The following CMKLR1 variants were observed in gnomAD, a reference collection of about 807,000 sequenced individuals.
CMKLR1 encodes chemerin-like receptor 1.
Under a neutral mutation model 8.2 loss-of-function variants are expected in CMKLR1, and 6 were observed. The ratio of observed to expected loss-of-function variants is 0.73; its 90% confidence interval spans 0.40 to 1.44. The LOEUF (loss-of-function observed/expected upper bound fraction) is 1.44, where lower values mean the gene tolerates loss of function less well. Among genes scored for constraint, CMKLR1 ranks in the 40% most tolerant of loss-of-function variants. The probability of loss-of-function intolerance (pLI) is 0.02; values close to 1 mark genes in which losing one functional copy is unlikely to be tolerated. For synonymous variants in CMKLR1, 178 were observed against 181.2 expected (o/e 0.98, Z 0.14); for missense variants, 429 against 478.0 (o/e 0.90, Z 0.96).
At chr12:108,323,194 A>G (rs1593175893) in intron 2 of CMKLR1, among the ~76,000 whole-genome samples, 1 of 152,196 alleles carries the variant, frequency 6.6e-6, no homozygotes, top group African/African-American at 2.4e-5. Context: ...CAAAACTAAA[A>G]CCATCCTTTA....
Position 108,288,429 on chromosome 12 carries a change from T to C in CMKLR1, c.*3412A>G, listed in dbSNP as rs1890862076. The C allele has an allele frequency of 6.6e-6, 1 of 152,190 alleles. No individual in the cohort carries two copies. Among genetic ancestry groups the C allele is most frequent in the South Asian group, 2.1e-4 (1 of 4,820 alleles). The allele number at this position is 152,190 out of a possible 1,614,324, so 9.4% of individuals were successfully genotyped here. The stretch of plus-strand genomic sequence containing the variant: ...TGAAGGTCCCTTATGGTTTTCACGA[T>C]TGGATTCTATCTTCTCCCACCCATC... On this transcript the variant is annotated 3_prime_UTR_variant, in exon 4 of 4. Transcript: ENST00000550402.
chr12:108,306,577 T>G lies in CMKLR1; in HGVS notation c.-73-12913A>C, dbSNP rs368956486. Among the ~76,000 whole-genome samples, 4 of 152,268 alleles carry G rather than the reference T, an allele frequency of 2.6e-5. No homozygotes were observed. In the East Asian group the frequency reaches 7.7e-4, roughly 29 times the overall value. Reference sequence around the variant, plus strand: ...GTGGCTACCAGGGGCTCCTAACTGGTTAGAAACCTATCTACCTAGTACACA... The same window carrying G: ...GTGGCTACCAGGGGCTCCTAACTGGGTAGAAACCTATCTACCTAGTACACA... On this transcript the variant is annotated intron_variant, in intron 2 of 3. Coordinates refer to ENST00000550402, the MANE Select transcript of CMKLR1 (RefSeq NM_001142343.2).
chr12:108,327,053 G>A lies in CMKLR1; in HGVS notation c.-74+2942C>T, dbSNP rs955134932. Among the ~76,000 whole-genome samples the A allele has an allele frequency of 1.3e-5, 2 of 152,110 alleles. 1 individual carries two copies. ...AGGATCACCCAGCTGGTAATCAAGG[G>A]ACTCAGGATTTGAACTCAGGTCTAA... On this transcript the variant is annotated intron_variant, in intron 2 of 3. Coordinates refer to ENST00000550402, the MANE Select transcript of CMKLR1 (RefSeq NM_001142343.2).
intron 1 of CMKLR1, among the ~76,000 whole-genome samples, chr12:108,332,244 T>C (rs946976048): frequency 1.3e-5 from 2 of 152,126 alleles, no homozygotes; most frequent in Admixed American, 1.3e-4. Flanking sequence ...ACAAAAACAA[T>C]AGGTGGCCGG....
chr12:108,318,576 G>A (rs1209209297), intron 2 of CMKLR1, among the ~76,000 whole-genome samples: 5 of 152,244 alleles, frequency 3.3e-5, no homozygotes, highest in Admixed American at 1.3e-4. Flanking sequence ...AGTATCCACA[G>A]TGTGAGGGAG....
Position 108,291,265 on chromosome 12 carries a change from T to A in CMKLR1, c.*576A>T, listed in dbSNP as rs1890955503. The A allele has an allele frequency of 1.3e-5, 2 of 153,026 alleles. No homozygotes were observed. The highest frequency in any genetic ancestry group is 2.9e-5 in the Non-Finnish European group (2 of 68,698). The allele number at this position is 153,026 out of a possible 1,614,324, so 9.5% of individuals were successfully genotyped here. On this transcript the variant is annotated 3_prime_UTR_variant, in exon 4 of 4. Coordinates refer to ENST00000550402, the MANE Select transcript of CMKLR1 (RefSeq NM_001142343.2). Reference sequence around the variant, plus strand: ...ACCAGTTCTCTGTCTTCCTAGCTGATCCGAAAGCCAAATTCATGGCCTATG... The same window carrying A: ...ACCAGTTCTCTGTCTTCCTAGCTGAACCGAAAGCCAAATTCATGGCCTATG...
At chr12:108,329,075 A>G (rs560350500) in intron 2 of CMKLR1, among the ~76,000 whole-genome samples, 1 of 152,344 alleles carries the variant, frequency 6.6e-6, no homozygotes, top group East Asian at 1.9e-4. Context: ...GCCACAAACC[A>G]GCATGCCCAC....
intron 2 of CMKLR1, among the ~76,000 whole-genome samples, chr12:108,313,453 T>C (rs1891636639): frequency 6.6e-6 from 1 of 152,204 alleles, no homozygotes; most frequent in African/African-American, 2.4e-5. Flanking sequence ...CAAATCCACA[T>C]GTGAATCCCA....
In CMKLR1 at chr12:108,311,835, G is replaced by A. The variant is rs776263668; in HGVS notation, c.-74+18160C>T. 5.9e-5 allele frequency among the ~76,000 whole-genome samples: 9 copies of A among 152,144 alleles called. No homozygotes were observed. In the South Asian group the frequency reaches 8.3e-4, roughly 14 times the overall value. On this transcript the variant is annotated intron_variant, in intron 2 of 3. Transcript: ENST00000550402. ...ACTCATGGGAAGCCCCAGGCTGGGG[G>A]CACGGAAGGACTGCTGGGGGGACCT...
intron 2 of CMKLR1, among the ~76,000 whole-genome samples, chr12:108,311,965 G>A (rs538067054): frequency 4.4e-4 from 67 of 152,322 alleles, no homozygotes; most frequent in African/African-American, 1.5e-3. Context: ...AGGTCCCTCT[G>A]CCTGGGGTGT....
At chr12:108,316,038 G>C (rs28729294) in intron 2 of CMKLR1, among the ~76,000 whole-genome samples, 14,873 of 152,202 alleles carry the variant, frequency 0.098, 1,788 homozygotes, top group African/African-American at 0.28. Flanking sequence ...GAGGGGATGT[G>C]TTCCCCCCAG....
chr12:108,300,251 G>A (rs1012553924), intron 2 of CMKLR1, among the ~76,000 whole-genome samples: 3 of 152,184 alleles, frequency 2.0e-5, no homozygotes, highest in Non-Finnish European at 4.4e-5. Flanking sequence ...GTGCGCCAGG[G>A]AACACGGCCT....
At chr12:108,334,217 G>C (rs1358382405) in intron 1 of CMKLR1, among the ~76,000 whole-genome samples, 1 of 152,256 alleles carries the variant, frequency 6.6e-6, no homozygotes, top group Non-Finnish European at 1.5e-5. Flanking sequence ...ATAAATGTTT[G>C]TTGAGTGAAT....
At chr12:108,296,375 G>A (rs1891135259) in intron 2 of CMKLR1, among the ~76,000 whole-genome samples, 2 of 152,218 alleles carry the variant, frequency 1.3e-5, no homozygotes, top group Admixed American at 1.3e-4. Context: ...GCACTATATT[G>A]TTGTTATTGG....
chr12:108,323,871 G>A (rs1309482907), intron 2 of CMKLR1, among the ~76,000 whole-genome samples: 1 of 152,200 alleles, frequency 6.6e-6, no homozygotes. Flanking sequence ...AGGGGCCAAG[G>A]GAAGGGAACT....
At chr12:108,302,431 C>T (rs570832048) in intron 2 of CMKLR1, among the ~76,000 whole-genome samples, 29 of 152,306 alleles carry the variant, frequency 1.9e-4, no homozygotes, top group East Asian at 7.7e-4. Context: ...CCTCAACTGA[C>T]GATTCTGGCA....
chr12:108,309,300 T>G (rs972804185), intron 2 of CMKLR1, among the ~76,000 whole-genome samples: 4 of 152,134 alleles, frequency 2.6e-5, no homozygotes, highest in Non-Finnish European at 5.9e-5. Flanking sequence ...CTTGGAACGC[T>G]CTCCCTAACA....
At chr12:108,322,370 C>A (rs1330313578) in intron 2 of CMKLR1, among the ~76,000 whole-genome samples, 1 of 152,180 alleles carries the variant, frequency 6.6e-6, no homozygotes. Flanking sequence ...GAAACTCTAC[C>A]TCTGCTCCAC....
At chr12:108,297,944 A>G (rs1244723211) in intron 2 of CMKLR1, among the ~76,000 whole-genome samples, 3 of 152,174 alleles carry the variant, frequency 2.0e-5, no homozygotes, top group African/African-American at 7.2e-5. Context: ...ATTCCTAGTC[A>G]ATGATGTTGC....
Sources: allele counts gnomAD v4.1 joint callset (sites outside exome capture counted in the v4.1 genomes callset), GRCh38; gene constraint gnomAD v4.1.1; transcripts MANE v1.5; gene names NCBI Gene and HGNC (gene_info 2026-07-23, HGNC 2026-07-21).